MAGI2: variants seen among roughly 807,000 people sequenced by gnomAD.
MAGI2 encodes the protein membrane associated guanylate kinase, WW and PDZ domain containing 2, also known as membrane-associated guanylate kinase, WW and PDZ domain-containing protein 2.
MAGI2 carries 35 observed loss-of-function variants against 133.3 expected under a neutral mutation model. The ratio of observed to expected loss-of-function variants is 0.26; its 90% CI spans 0.20 to 0.35. The LOEUF is 0.35. MAGI2 is among the 10% of genes least tolerant of loss of function. The probability of loss-of-function intolerance (pLI) is 1.00; values close to 1 mark genes in which losing one functional copy is unlikely to be tolerated. For synonymous variants in MAGI2, 729 were observed against 710.6 expected, an observed-to-expected ratio of 1.03 and a Z score of -0.41; for missense variants, 1,636 against 1,863.4, an observed-to-expected ratio of 0.88 and a Z score of 2.25.
chr7:79,261,803 C>A (rs1834112542), intron 1 of MAGI2, among the ~76,000 whole-genome samples: 1 of 152,142 alleles, frequency 6.6e-6, no homozygotes, highest in Non-Finnish European at 1.5e-5. Flanking sequence ...ACTTAAGAAC[C>A]CAAATCATCA....
chr7:78,665,501 G>C (rs540156362), intron 2 of MAGI2, among the ~76,000 whole-genome samples: 3 of 152,166 alleles, frequency 2.0e-5, no homozygotes, highest in Non-Finnish European at 2.9e-5. Flanking sequence ...AAGCTGGTTA[G>C]AGAAAGGAGC....
At chr7:78,112,745 T>TG (rs1819479167) in intron 20 of MAGI2, among the ~76,000 whole-genome samples, 1 of 152,198 alleles carries the variant, frequency 6.6e-6, no homozygotes, top group African/African-American at 2.4e-5. Flanking sequence ...TGGGGTATAG[T>TG]GGGCAGCCCA....
At chr7:79,415,944 G>C (rs1442193776) in intron 1 of MAGI2, among the ~76,000 whole-genome samples, 6 of 152,060 alleles carry the variant, frequency 3.9e-5, no homozygotes, top group African/African-American at 1.4e-4. Context: ...TTAAAACTTA[G>C]TAAGAAAATA....
intron 6 of MAGI2, among the ~76,000 whole-genome samples, chr7:78,460,425 T>C (rs1789845495): frequency 6.6e-6 from 1 of 152,214 alleles, no homozygotes; most frequent in South Asian, 2.1e-4. Flanking sequence ...AAATTCTAAC[T>C]CAGATTTCCA....
At position 79,098,999 on chromosome 7, in the gene MAGI2, CCTTTACTTTTGAG is replaced by C. The variant is rs548763955; in HGVS notation, c.302-91806_302-91794del. On this transcript the variant is annotated intron_variant, in intron 1 of 21. Coordinates refer to ENST00000354212, the MANE Select transcript of MAGI2 (RefSeq NM_012301.4). ...GTAAGAGAACATATTTTTAAAAAGA[CCTTTACTTTTGAG>C]CCTCCAGAGGGTAATGTCAGCATGC... is the stretch of plus-strand genomic sequence containing the variant. Among the ~76,000 whole-genome samples the C allele has an allele frequency of 1.8e-4, 28 of 152,188 alleles. No individual in the cohort carries two copies. The South Asian group carries it at 5.8e-3, about 32-fold the overall frequency.
intron 9 of MAGI2, among the ~76,000 whole-genome samples, chr7:78,290,894 C>A (rs538655207): frequency 3.3e-5 from 5 of 152,196 alleles, no homozygotes; most frequent in East Asian, 3.9e-4. Context: ...CCAATGAGAA[C>A]AAAGACACAA....
intron 2 of MAGI2, among the ~76,000 whole-genome samples, chr7:78,988,614 T>TATTGA (rs1805480220): frequency 6.6e-6 from 1 of 152,130 alleles, no homozygotes; most frequent in South Asian, 2.1e-4. Context: ...GTAAGCTAGC[T>TATTGA]ATTGAAAGAG....
intron 3 of MAGI2, among the ~76,000 whole-genome samples, chr7:78,584,421 GAAAAAAAAAAAAA>G (rs57844382): frequency 1.3e-4 from 11 of 83,962 alleles, no homozygotes; most frequent in Middle Eastern, 9.8e-3. Context: ...CTCCGTCTCA[GAAAAAAAAAAAAA>G]AAAAAAAAAA....
chr7:78,162,909 G>T (rs1189883838), intron 15 of MAGI2, among the ~76,000 whole-genome samples: 1 of 152,086 alleles, frequency 6.6e-6, no homozygotes, highest in African/African-American at 2.4e-5. Flanking sequence ...AAGTGAGACG[G>T]TCTTCTTTCC....
chr7:79,117,858 C>G (rs955227292), intron 1 of MAGI2, among the ~76,000 whole-genome samples: 1 of 152,120 alleles, frequency 6.6e-6, no homozygotes, highest in Non-Finnish European at 1.5e-5. Flanking sequence ...GACTGTAAAA[C>G]CCTGAAATAC....
intron 2 of MAGI2, among the ~76,000 whole-genome samples, chr7:78,825,428 A>G (rs1790537452): frequency 6.6e-6 from 1 of 152,132 alleles, no homozygotes; most frequent in African/African-American, 2.4e-5. Context: ...ATTCTAGGGT[A>G]AGCTAACAGT....
At chr7:79,296,931 G>A (rs561207320) in intron 1 of MAGI2, among the ~76,000 whole-genome samples, 1 of 152,220 alleles carries the variant, frequency 6.6e-6, no homozygotes, top group South Asian at 2.1e-4. Flanking sequence ...TGATGGATGT[G>A]CTAATTACTC....
At chr7:79,214,291 C>T (rs1210991108) in intron 1 of MAGI2, among the ~76,000 whole-genome samples, 1 of 143,942 alleles carries the variant, frequency 6.9e-6, no homozygotes, top group African/African-American at 2.6e-5. Flanking sequence ...AGTTTCACTG[C>T]CATTTTAAAT....
intron 2 of MAGI2, among the ~76,000 whole-genome samples, chr7:78,983,710 GATT>G (rs1386552818): frequency 6.6e-6 from 1 of 151,816 alleles, no homozygotes; most frequent in Non-Finnish European, 1.5e-5. Context: ...ATTTGTCACT[GATT>G]ATTATTTCTT....
At chr7:78,236,246 C>G (rs1167654957) in intron 10 of MAGI2, among the ~76,000 whole-genome samples, 1 of 152,006 alleles carries the variant, frequency 6.6e-6, no homozygotes, top group Non-Finnish European at 1.5e-5. Flanking sequence ...GGAAGATAGA[C>G]AAATTAAACA....
chr7:78,312,852 T>A (rs953382819), intron 9 of MAGI2, among the ~76,000 whole-genome samples: 1 of 151,588 alleles, frequency 6.6e-6, no homozygotes, highest in Non-Finnish European at 1.5e-5. Flanking sequence ...ATTGTATATA[T>A]ATACACATAT....
intron 10 of MAGI2, among the ~76,000 whole-genome samples, chr7:78,238,887 A>T (rs920054581): frequency 6.6e-6 from 1 of 152,146 alleles, no homozygotes; most frequent in African/African-American, 2.4e-5. Flanking sequence ...AAGATTCCAC[A>T]TTACTTGCCT....
intron 1 of MAGI2, among the ~76,000 whole-genome samples, chr7:79,017,466 A>G (rs1222606282): frequency 3.3e-5 from 5 of 152,242 alleles, no homozygotes; most frequent in African/African-American, 9.6e-5. Flanking sequence ...CTGAAGCAAC[A>G]TCAGCCCACG....
At chr7:79,250,280 G>C (rs916397939) in intron 1 of MAGI2, among the ~76,000 whole-genome samples, 1 of 149,460 alleles carries the variant, frequency 6.7e-6, no homozygotes, top group South Asian at 2.1e-4. Flanking sequence ...CATGGTATTG[G>C]AAGTCATATC....
Sources: gnomAD v4.1 joint callset for allele counts (sites outside exome capture counted in the v4.1 genomes callset) on GRCh38, gnomAD v4.1.1 for gene constraint, MANE v1.5 for transcripts, NCBI Gene and HGNC (gene_info 2026-07-23, HGNC 2026-07-21) for gene names.